PRX: variants seen among roughly 807,000 people sequenced by gnomAD.
The protein encoded by PRX is periaxin.
In PRX, 24 loss-of-function variants were observed where a neutral mutation model predicts 29.6. That is an observed-to-expected ratio of 0.81 (90% confidence interval 0.59 to 1.14). The LOEUF (loss-of-function observed/expected upper bound fraction) is 1.14. Among genes scored for constraint, PRX ranks in the 50% most tolerant of loss-of-function variants. The probability of loss-of-function intolerance (pLI) is 0.00; values close to 1 mark genes in which losing one functional copy is unlikely to be tolerated. For synonymous variants in PRX, 772 were observed against 831.7 expected (o/e 0.93, Z 1.24); for missense variants, 1,838 against 1,926.4 (o/e 0.95, Z 0.86).
Position 40,395,986 on chromosome 19 carries a change from G to T in PRX, c.2366C>A (p.Ala789Glu). The part of the protein sequence containing the change: ...APEVQLKATK[A>E]EQAEGMEFGF... ...AAATTCCATCCCTTCTGCCTGTTCT[G>T]CCTTGGTGGCCTTTAGCTGCACCTC... The change falls in exon 7 of 7, where the codon GCA (alanine) becomes GAA (glutamate). Residue 789 changes from alanine (A) to glutamate (E), a missense_variant. Transcript: ENST00000324001. 6.8e-6 allele frequency: 11 copies of T among 1,614,024 alleles called. No homozygotes were observed. Among genetic ancestry groups the T allele is most frequent in the Non-Finnish European group, 9.3e-6 (11 of 1,180,028 alleles).
At chr19:40,410,669 G>A (rs948216497) in intron 1 of PRX, among the ~76,000 whole-genome samples, 1 of 152,166 alleles carries the variant, frequency 6.6e-6, no homozygotes, top group African/African-American at 2.4e-5. Context: ...TCAGGGGTTC[G>A]AGACCAGTCT....
chr19:40,399,793 C>T (rs1240438343), intron 5 of PRX, among the ~76,000 whole-genome samples: 2 of 152,190 alleles, frequency 1.3e-5, no homozygotes, highest in African/African-American at 4.8e-5. Flanking sequence ...ATCCTCCCAC[C>T]CCAGCCTCCC....
Position 40,398,887 on chromosome 19 carries a change from T to C in PRX, c.185-71A>G, listed in dbSNP as rs2079468397. ...CCGCCCGGGCCTAGTTCTGCCCACT[T>C]GCACGGAGCCCTCGCGGTGAGGACC... is the stretch of plus-strand genomic sequence containing the variant. On this transcript the variant is annotated intron_variant, in intron 5 of 6. Transcript: ENST00000324001. The surrounding 1 kb of genome is among the most constrained non-coding windows in gnomAD (Gnocchi z 6.3). 1.2e-6 allele frequency: 2 copies of C among 1,606,170 alleles called. No homozygotes were observed. Among genetic ancestry groups the C allele is most frequent in the Admixed American group, 1.7e-5 (1 of 59,442 alleles).
chr19:40,395,705 C>T lies in PRX; in HGVS notation c.2647G>A (p.Glu883Lys), dbSNP rs769587753. ...AAKMGKGERVEGPEVAAGVRE... is the reference protein window; with the variant it reads ...AAKMGKGERVKGPEVAAGVRE... ...ACCCCTGCTGCCACCTCAGGGCCCT[C>T]CACCCGCTCTCCCTTGCCCATTTTA... Residue 883 changes from glutamate (E) to lysine (K), a missense_variant, in exon 7 of 7, where the codon GAG becomes AAG. By Grantham distance (56) the Glu-to-Lys change is moderately conservative. Transcript: ENST00000324001. 9.3e-6 allele frequency: 15 copies of T among 1,614,084 alleles called. No homozygotes were observed. The South Asian group carries it at 1.6e-4, about 18-fold the overall frequency.
At chr19:40,399,851 C>CTTTCT (rs1555801717) in intron 5 of PRX, among the ~76,000 whole-genome samples, 3 of 12,706 alleles carry the variant, frequency 2.4e-4, no homozygotes, top group Admixed American at 7.8e-4. Context: ...GCTTTCTTTC[C>CTTTCT]TTTCTTTCTT....
At position 40,393,915 on chromosome 19, in the gene PRX, G is replaced by T. The variant is rs749707577; in HGVS notation, c.*51C>A. ...TGCTAGTTATCACACACACAACAGC[G>T]AGGGGGTAGAGAAAGGAAGGCAAGA... On this transcript the variant is annotated 3_prime_UTR_variant, in exon 7 of 7. Coordinates refer to ENST00000324001, the MANE Select transcript of PRX (RefSeq NM_181882.3). The T allele has an allele frequency of 6.2e-7, 1 of 1,601,618 alleles. No individual in the cohort carries two copies. Among genetic ancestry groups the T allele is most frequent in the East Asian group, 2.2e-5 (1 of 44,868 alleles).
chr19:40,404,281 G>A (rs1291462898), intron 4 of PRX, among the ~76,000 whole-genome samples: 1 of 152,154 alleles, frequency 6.6e-6, no homozygotes, highest in Non-Finnish European at 1.5e-5. Flanking sequence ...CCGAGGCCCT[G>A]GAGCGGCAGC....
chr19:40,395,604 C>T lies in PRX; in HGVS notation c.2748G>A (p.Gly916=). 1.2e-6 allele frequency: 2 copies of T among 1,614,242 alleles called. No homozygotes were observed. Among genetic ancestry groups the T allele is most frequent in the Non-Finnish European group, 1.7e-6 (2 of 1,180,044 alleles). ...CTTTTGTCTCTATCATCTCCAGCCG[C>T]CCTTCCTCAATTTCCACGGCGGGCA... is the stretch of plus-strand genomic sequence containing the variant. ...PQLPAVEIEE[G]RLEMIETKVK... Residue 916 remains glycine (G), a synonymous_variant, in exon 7 of 7, where the codon GGG becomes GGA. Transcript: ENST00000324001.
rs2079407666 is a variant in PRX, at chr19:40,394,299, G to C, written c.4053C>G (p.Ser1351Arg). The C allele has an allele frequency of 6.2e-7, 1 of 1,611,350 alleles. No individual in the cohort carries two copies. Among genetic ancestry groups the C allele is most frequent in the African/African-American group, 1.3e-5 (1 of 74,860 alleles). Residue 1351 changes from serine (S) to arginine (R), a missense_variant, in exon 7 of 7, where the codon AGC (serine) becomes AGG (arginine). Physicochemically the swap from Ser to Arg is moderately radical, Grantham distance 110. This residue lies in a region of PRX where 1,143 missense variants were observed against 1,193.0 expected (regional missense o/e 0.96). Transcript: ENST00000324001. This position sits in a 1 kb window ranked among gnomAD's most constrained non-coding sequence, Gnocchi z 5.8. ...CCTCCTCCTCCTCCTCCTCCTCGGG[G>C]CTGGGGGACCCTTCCCCAGTGACCA... is the stretch of plus-strand genomic sequence containing the variant. ...SEMVTGEGSP[S>R]PEEEEEEEEE...
chr19:40,406,311 C>T (rs1262659889), intron 4 of PRX, among the ~76,000 whole-genome samples: 2 of 151,366 alleles, frequency 1.3e-5, no homozygotes, highest in Non-Finnish European at 2.9e-5. Context: ...CTCCTGGGCT[C>T]AAGGGATCCT....
At chr19:40,399,906 TTTCTTTCTTTCTTTCTTTCACCCAG>T (rs2079480989) in intron 5 of PRX, among the ~76,000 whole-genome samples, 1 of 56,994 alleles carries the variant, frequency 1.8e-5, no homozygotes, top group Non-Finnish European at 3.3e-5. Flanking sequence ...TTTCTTTCTT[TTTCTTTCTTTCTTTCTTTCACCCAG>T]CTTTCTTTCC....
upstream of PRX, chr19:40,413,458 GGT>G (rs2145751515): frequency 6.6e-6 from 1 of 152,442 alleles, no homozygotes; most frequent in East Asian, 1.9e-4. Flanking sequence ...TGGCTGCGGG[GGT>G]GTGACGTCAC....
chr19:40,408,314 G>T, intron 2 of PRX, 26 bp downstream of exon 2: 1 of 411,358 alleles, frequency 2.4e-6, no homozygotes, highest in Non-Finnish European at 4.6e-6. Flanking sequence ...GGTGGGGAGG[G>T]GCATATGGCA....
At position 40,395,800 on chromosome 19, in the gene PRX, G is replaced by GA; in HGVS notation, c.2551dup (p.Ser851PhefsTer25). The GA allele has an allele frequency of 6.2e-7, 1 of 1,614,202 alleles. No individual in the cohort carries two copies. On this transcript the variant is annotated frameshift_variant, in exon 7 of 7. Coordinates refer to ENST00000324001, the MANE Select transcript of PRX (RefSeq NM_181882.3). LOFTEE classifies it low-confidence loss of function (END_TRUNC). ...TAGCTCCACTGAAGGCAGAGTGAGAGAGGGGACACCCACATGAGCCTCACC... is the reference window on the plus strand; with the variant it reads ...TAGCTCCACTGAAGGCAGAGTGAGAGAAGGGGACACCCACATGAGCCTCACC...
Position 40,398,665 on chromosome 19 carries a change from C to G in PRX, c.336G>C (p.Val112=), listed in dbSNP as rs369268369. The change falls in exon 6 of 7, where the codon GTG becomes GTC. Residue 112 remains valine (V), a synonymous_variant. Transcript: ENST00000324001. The surrounding 1 kb of genome is among the most constrained non-coding windows in gnomAD (Gnocchi z 6.3). The part of the protein sequence containing the change: ...TGDLALRPGT[V]SGYEIKGPRA... ...GCGGGCCCTTGATCTCGTAGCCAGA[C>G]ACGGTCCCGGGCCGCAGAGCCAGGT... 1.2e-6 allele frequency: 2 copies of G among 1,613,948 alleles called. No individual in the cohort carries two copies.
chr19:40,402,337 G>C (rs1286759174), intron 5 of PRX, among the ~76,000 whole-genome samples: 2 of 151,760 alleles, frequency 1.3e-5, no homozygotes, highest in Non-Finnish European at 1.5e-5. Context: ...CTGGGAGACA[G>C]AGCAAGACTC....
In PRX at chr19:40,397,360, G is replaced by A. The variant is rs566629777; in HGVS notation, c.992C>T (p.Pro331Leu). The A allele has an allele frequency of 2.4e-5, 39 of 1,612,820 alleles. No homozygotes were observed. The highest frequency in any genetic ancestry group is 2.2e-4 in the East Asian group (10 of 44,872). ...VVVPTLDVAA[P>L]TVGVDLALPG... Reference sequence around the variant, plus strand: ...CAAGGCCAGGTCCACCCCCACAGTCGGTGCTGCCACATCCAGGGTGGGCAC... The same window carrying A: ...CAAGGCCAGGTCCACCCCCACAGTCAGTGCTGCCACATCCAGGGTGGGCAC... Residue 331 changes from proline to leucine, a missense_variant, in exon 7 of 7, where the codon CCG (proline) becomes CTG (leucine). Around this residue, in one of 3 missense-constraint regions of PRX, gnomAD observed 666 missense variants for 665.0 expected, o/e 1.00. Transcript: ENST00000324001.
Position 40,412,041 on chromosome 19 carries a change from C to T in PRX, c.-243+1297G>A, listed in dbSNP as rs2079560781. 5.3e-5 allele frequency among the ~76,000 whole-genome samples: 8 copies of T among 152,360 alleles called. No homozygotes were observed. The South Asian group carries it at 1.2e-3, about 24-fold the overall frequency. On this transcript the variant is annotated intron_variant, in intron 1 of 6. Coordinates refer to ENST00000324001, the MANE Select transcript of PRX (RefSeq NM_181882.3). Reference sequence around the variant, plus strand: ...CAGATGCGACTTATGCCCTTCAGAGCAGCTGGGAGCGAGGGGTTGTCATTC... The same window carrying T: ...CAGATGCGACTTATGCCCTTCAGAGTAGCTGGGAGCGAGGGGTTGTCATTC...
At chr19:40,399,900 TTTCTTTTTCTTTC>T (rs1226524950) in intron 5 of PRX, among the ~76,000 whole-genome samples, 505 of 68,534 alleles carry the variant, frequency 7.4e-3, no homozygotes, top group African/African-American at 0.016. Flanking sequence ...TCTTTCTTTC[TTTCTTTTTCTTTC>T]TTTCTTTCTT....
Sources: gnomAD v4.1 joint callset for allele counts (sites outside exome capture counted in the v4.1 genomes callset) on GRCh38, gnomAD v4.1.1 for gene constraint, gnomAD v4.1.1 regional missense constraint, Gnocchi (gnomAD v3.1) non-coding constraint, MANE v1.5 for transcripts, NCBI Gene and HGNC (gene_info 2026-07-23, HGNC 2026-07-21) for gene names.